Variants in ANKRD13D observed in about 807,000 individuals in gnomAD.
The protein encoded by ANKRD13D is ankyrin repeat domain 13D.
A neutral mutation model predicts 68.8 loss-of-function variants in ANKRD13D; 24 were observed. The observed-to-expected ratio is 0.35, with a 90% CI of 0.25 to 0.49. The LOEUF (loss-of-function observed/expected upper bound fraction) is 0.49, where lower values mean the gene tolerates loss of function less well. ANKRD13D is among the 20% of genes least tolerant of loss of function. ANKRD13D has a pLI of 0.99. For missense variants in ANKRD13D, 735 were observed against 832.1 expected (o/e 0.88, Z 1.44); for synonymous variants, 331 against 336.1 (o/e 0.98, Z 0.16).
chr11:67,289,787 C>G, intron 1 of ANKRD13D: 1 of 1,421,944 alleles, frequency 7.0e-7, no homozygotes, highest in Non-Finnish European at 9.2e-7. Flanking sequence ...CGCATCCTTG[C>G]TGACCCAAGC....
At chr11:67,289,906 C>T (rs1436053864) in intron 1 of ANKRD13D, 172 bp from the exon 2 acceptor site, 4 of 1,435,768 alleles carry the variant, frequency 2.8e-6, no homozygotes, top group African/African-American at 1.4e-5. Context: ...CCCCTGCCTT[C>T]CCTCCTGCCC....
At position 67,302,190 on chromosome 11, in the gene ANKRD13D, C is replaced by T. The variant is rs567042996; in HGVS notation, c.1676C>T (p.Ala559Val). Reference sequence around the variant, plus strand: ...GGATCCCCTCCCAGGACACCCCCAGCCCCCGGTCCACCCAGCTTTGAAGAG... The same window carrying T: ...GGATCCCCTCCCAGGACACCCCCAGTCCCCGGTCCACCCAGCTTTGAAGAG... Reference protein sequence around the residue: ...GPGSPPRTPPAPGPPSFEEQL... With the variant: ...GPGSPPRTPPVPGPPSFEEQL... The change falls in exon 15 of 15, where the codon GCC (alanine) becomes GTC (valine). Residue 559 changes from alanine (A) to valine (V), a missense_variant. By Grantham distance (64) the Ala-to-Val change is moderately conservative. Transcript: ENST00000511455. The T allele has an allele frequency of 7.9e-5, 126 of 1,593,228 alleles. 1 individual carries two copies. The South Asian group carries it at 1.2e-3, about 16-fold the overall frequency.
Position 67,290,344 on chromosome 11 carries a change from T to G in ANKRD13D, c.249T>G (p.Thr83=). The G allele has an allele frequency of 6.4e-7, 1 of 1,562,258 alleles. No individual in the cohort carries two copies. Among genetic ancestry groups the G allele is most frequent in the Non-Finnish European group, 8.7e-7 (1 of 1,153,332 alleles). The change falls in exon 3 of 15, where the codon ACT becomes ACG. Residue 83 remains threonine (T), a synonymous_variant. Transcript: ENST00000511455. ...GWAVLQEAVS[T]GDPEMVQLVL... is the part of the protein sequence containing the mutation. ...CAGTCCTGCAGGAGGCAGTCAGCAC[T>G]GGAGACCCCGAGATGGTGCAGCTGG...
Position 67,300,950 on chromosome 11 carries a change from C to CCAGCCGTGCCT in ANKRD13D, c.1074-37_1074-27dup. 6.2e-7 allele frequency: 1 copy of CCAGCCGTGCCT among 1,608,510 alleles called. No individual in the cohort carries two copies. Among genetic ancestry groups the CCAGCCGTGCCT allele is most frequent in the Non-Finnish European group, 8.5e-7 (1 of 1,177,364 alleles). The stretch of plus-strand genomic sequence containing the variant: ...AGGGCAGTCCTCAATGGAAGGGCCA[C>CCAGCCGTGCCT]CAGCCGTGCCTCACCCATGTCCTGT... On this transcript the variant is annotated intron_variant, in intron 10 of 14. Transcript: ENST00000511455. This position sits in a 1 kb window ranked among gnomAD's most constrained non-coding sequence, Gnocchi z 4.3.
intron 6 of ANKRD13D, among the ~76,000 whole-genome samples, chr11:67,293,732 G>A (rs1860665284): frequency 6.6e-6 from 1 of 152,280 alleles, no homozygotes; most frequent in East Asian, 1.9e-4. Flanking sequence ...TCTACAGACT[G>A]GTCTTAAACT....
chr11:67,296,936 T>C (rs1360340262), intron 6 of ANKRD13D, among the ~76,000 whole-genome samples: 1 of 152,102 alleles, frequency 6.6e-6, no homozygotes, highest in African/African-American at 2.4e-5. Flanking sequence ...CTTCTCTCTC[T>C]TTTTTTGCCC....
chr11:67,290,431 C>A lies in ANKRD13D; in HGVS notation c.336C>A (p.Leu112=). The A allele has an allele frequency of 6.3e-7, 1 of 1,585,484 alleles. No homozygotes were observed. Among genetic ancestry groups the A allele is most frequent in the South Asian group, 1.1e-5 (1 of 86,966 alleles). ...GGCTGGCGGGCATTCCGGAACTGCT[C>A]AACAAACTTCGCCAGGTACAGCAGG... ...TQRLAGIPEL[L]NKLRQAPDFY... The change falls in exon 3 of 15, where the codon CTC becomes CTA. Residue 112 remains leucine, a synonymous_variant. Coordinates refer to ENST00000511455, the MANE Select transcript of ANKRD13D (RefSeq NM_207354.3).
At position 67,292,040 on chromosome 11, in the gene ANKRD13D, T is replaced by C. The variant is rs1188374006; in HGVS notation, c.591T>C (p.His197=). The stretch of plus-strand genomic sequence containing the variant: ...TGGACCATGACCGGCAGGTGGTGCA[T>C]GTGGAGACACTGGGGCTCACTCTGC... ...MEVDHDRQVV[H]VETLGLTLQE... The change falls in exon 6 of 15, where the codon CAT becomes CAC. Residue 197 remains histidine (H), a synonymous_variant. Coordinates refer to ENST00000511455, the MANE Select transcript of ANKRD13D (RefSeq NM_207354.3). The C allele has an allele frequency of 6.2e-7, 1 of 1,601,834 alleles. No individual in the cohort carries two copies. The highest frequency in any genetic ancestry group is 8.5e-7 in the Non-Finnish European group (1 of 1,171,418).
rs759793497 is a variant in ANKRD13D, at chr11:67,301,026, G to A, written c.1110G>A (p.Pro370=). The part of the protein sequence containing the change: ...KATLWLSEEH[P]LSLGDQVTPI... ...CACTGTGGCTGAGTGAAGAGCACCC[G>A]CTCTCCCTGGGTGACCAGGTGACCC... Residue 370 remains proline (P), a synonymous_variant, in exon 11 of 15, where the codon CCG becomes CCA. Transcript: ENST00000511455. This position sits in a 1 kb window ranked among gnomAD's most constrained non-coding sequence, Gnocchi z 4.5. The A allele has an allele frequency of 6.7e-5, 108 of 1,613,806 alleles. No homozygotes were observed. The highest frequency in any genetic ancestry group is 8.3e-5 in the Non-Finnish European group (98 of 1,180,016).
rs78983123 is a variant in ANKRD13D at position 67,300,081 on chromosome 11, G to A, written c.1031G>A (p.Arg344Gln). The A allele has an allele frequency of 1.5e-5, 25 of 1,613,944 alleles. No individual in the cohort carries two copies. Among genetic ancestry groups the A allele is most frequent in the East Asian group, 4.5e-5 (2 of 44,896 alleles). Residue 344 changes from arginine (R) to glutamine (Q), a missense_variant, in exon 10 of 15, where the codon CGG (arginine) becomes CAG (glutamine). By Grantham distance (43) the Arg-to-Gln change is conservative. Coordinates refer to ENST00000511455, the MANE Select transcript of ANKRD13D (RefSeq NM_207354.3). The surrounding 1 kb of genome is among the most constrained non-coding windows in gnomAD (Gnocchi z 4.3). ...YFDPNFSLES[R>Q]NIGRPIEMSS... ...GACCCCAACTTCAGCCTGGAGTCAC[G>A]GAACATTGGCCGCCCCATCGAGATG... is the stretch of plus-strand genomic sequence containing the variant.
chr11:67,290,876 G>A, intron 3 of ANKRD13D: 1 of 182,164 alleles, frequency 5.5e-6, no homozygotes, highest in East Asian at 1.5e-4. Context: ...TACAGAGTAG[G>A]ACTCTGAGAC....
chr11:67,298,056 C>CTTTTTTTTTT (rs200939455), intron 6 of ANKRD13D: 1 of 130,000 alleles, frequency 7.7e-6, no homozygotes, highest in Non-Finnish European at 1.5e-5. Flanking sequence ...TTGAGGTTTT[C>CTTTTTTTTTT]TTTTTTTTTT....
At chr11:67,290,280 G>C in intron 2 of ANKRD13D, 42 bp from the exon 3 acceptor site, 1 of 1,547,092 alleles carries the variant, frequency 6.5e-7, no homozygotes, top group Non-Finnish European at 8.7e-7. Context: ...GCCAGGCCTG[G>C]GGTCATCTGG....
In ANKRD13D at chr11:67,290,496, C is replaced by T. The variant is rs1489096182; in HGVS notation, c.351+50C>T. 4 of 1,519,020 alleles carry T rather than the reference C, an allele frequency of 2.6e-6. No individual in the cohort carries two copies. In the African/African-American group the frequency reaches 5.5e-5, roughly 21 times the overall value. 94.1% of individuals were successfully genotyped at this position (1,519,020 alleles called of 1,614,324 possible). A position where few individuals can be genotyped will look rare whatever the true frequency, so the allele number is the denominator to read the frequency against. On this transcript the variant is annotated intron_variant, in intron 3 of 14. Transcript: ENST00000511455. ...GTGGGGTACCATGGCAGGGCACCAC[C>T]CTGGTTACTGTGCCAGGCCTGGCCT...
intron 6 of ANKRD13D, among the ~76,000 whole-genome samples, chr11:67,297,175 T>C (rs1405344030): frequency 1.3e-5 from 2 of 152,202 alleles, no homozygotes; most frequent in Non-Finnish European, 2.9e-5. Flanking sequence ...TTTCTTAATA[T>C]AGGCATTCAC....
chr11:67,289,974 G>A, intron 1 of ANKRD13D, 104 bp from the exon 2 acceptor site: 6 of 1,462,912 alleles, frequency 4.1e-6, no homozygotes, highest in Non-Finnish European at 1.8e-6. Context: ...TGGTCAGTCC[G>A]CCGTCCTTAT....
In ANKRD13D at chr11:67,300,507, C is replaced by A; in HGVS notation, c.1073+384C>A. 3.1e-6 allele frequency: 1 copy of A among 326,950 alleles called. No individual in the cohort carries two copies. 20.3% of individuals were successfully genotyped at this position (326,950 alleles called of 1,614,324 possible). The stretch of plus-strand genomic sequence containing the variant: ...GTGAGGAGCCTTGAGCAGGTATAGG[C>A]GGTAACAGCAGGCACAGTGCCTGCA... On this transcript the variant is annotated intron_variant, in intron 10 of 14. Coordinates refer to ENST00000511455, the MANE Select transcript of ANKRD13D (RefSeq NM_207354.3). This position sits in a 1 kb window ranked among gnomAD's most constrained non-coding sequence, Gnocchi z 4.3.
chr11:67,301,672 G>A lies in ANKRD13D; in HGVS notation c.1512+21G>A. The A allele has an allele frequency of 1.2e-6, 2 of 1,611,124 alleles. No homozygotes were observed. Among genetic ancestry groups the A allele is most frequent in the Non-Finnish European group, 1.7e-6 (2 of 1,179,440 alleles). On this transcript the variant is annotated intron_variant, in intron 13 of 14. Coordinates refer to ENST00000511455, the MANE Select transcript of ANKRD13D (RefSeq NM_207354.3). This position sits in a 1 kb window ranked among gnomAD's most constrained non-coding sequence, Gnocchi z 4.5. ...AGCAGGTGGGACTTGCCCAGGGGGT[G>A]GGCTCTGGCCTCTGCAGCCACACGG...
intron 6 of ANKRD13D, among the ~76,000 whole-genome samples, chr11:67,294,668 G>A (rs1860696866): frequency 6.6e-6 from 1 of 151,726 alleles, no homozygotes; most frequent in African/African-American, 2.4e-5. Flanking sequence ...AGCCTCCCAA[G>A]TAGCTGGGAT....
Sources: allele counts gnomAD v4.1 joint callset (sites outside exome capture counted in the v4.1 genomes callset), GRCh38; gene constraint gnomAD v4.1.1; non-coding constraint Gnocchi (gnomAD v3.1); transcripts MANE v1.5; gene names NCBI Gene and HGNC (gene_info 2026-07-23, HGNC 2026-07-21).